Variants in TRPC3 observed in about 807,000 individuals in gnomAD.
TRPC3 encodes the protein transient receptor potential cation channel subfamily C member 3.
TRPC3 carries 54 observed loss-of-function variants against 90.9 expected under a neutral mutation model. That is an observed-to-expected ratio of 0.59 (90% CI 0.48 to 0.75). TRPC3 has a LOEUF of 0.75. TRPC3 is among the 30% of genes least tolerant of loss of function. TRPC3 has a pLI of 0.00. For synonymous variants in TRPC3, 424 were observed against 450.9 expected (o/e 0.94, Z 0.75); for missense variants, 918 against 1,194.5 (o/e 0.77, Z 3.41).
intron 1 of TRPC3, chr4:121,950,402 G>A (rs1467922225): frequency 1.3e-5 from 2 of 152,294 alleles, no homozygotes; most frequent in South Asian, 2.1e-4. Context: ...CCACCTCCCC[G>A]GCTCAGCCGG....
intron 4 of TRPC3, among the ~76,000 whole-genome samples, chr4:121,914,553 G>C (rs928009433): frequency 1.3e-5 from 2 of 152,064 alleles, no homozygotes; most frequent in Non-Finnish European, 2.9e-5. Context: ...TATCTTAAAA[G>C]CCTAAGTACT....
At chr4:121,899,569 G>C (rs1243334113) in intron 10 of TRPC3, 43 bp downstream of exon 10, 1 of 1,510,086 alleles carries the variant, frequency 6.6e-7, no homozygotes, top group East Asian at 2.3e-5. Flanking sequence ...AGACATATAT[G>C]GAATCACATA....
At chr4:121,906,639 G>T (rs1728893330) in intron 7 of TRPC3, among the ~76,000 whole-genome samples, 1 of 152,068 alleles carries the variant, frequency 6.6e-6, no homozygotes, top group Non-Finnish European at 1.5e-5. Flanking sequence ...AGCAGGGAGG[G>T]TTTATGACCT....
intron 3 of TRPC3, among the ~76,000 whole-genome samples, chr4:121,921,695 T>C (rs2892973): frequency 0.28 from 42,468 of 151,760 alleles, 6,236 homozygotes; most frequent in Non-Finnish European, 0.32. Flanking sequence ...TACTTTGAAA[T>C]CCCAATGGCT....
chr4:121,922,083 T>G (rs1183483462), intron 3 of TRPC3, among the ~76,000 whole-genome samples: 4 of 151,932 alleles, frequency 2.6e-5, no homozygotes, highest in African/African-American at 7.3e-5. Flanking sequence ...CACGCCCGTC[T>G]AATTTTTTTG....
chr4:121,944,991 A>T (rs957455890), intron 1 of TRPC3, among the ~76,000 whole-genome samples: 1 of 152,230 alleles, frequency 6.6e-6, no homozygotes, highest in Admixed American at 6.5e-5. Context: ...TCAGTTTCTT[A>T]ATTTGTAAAA....
At chr4:121,918,010 C>T (rs555723843) in intron 3 of TRPC3, among the ~76,000 whole-genome samples, 1 of 152,206 alleles carries the variant, frequency 6.6e-6, no homozygotes, top group South Asian at 2.1e-4. Context: ...TCTCCTCCAA[C>T]ATTCAGGTGC....
At chr4:121,902,269 A>G (rs1185405103) in intron 9 of TRPC3, among the ~76,000 whole-genome samples, 1 of 152,180 alleles carries the variant, frequency 6.6e-6, no homozygotes, top group Non-Finnish European at 1.5e-5. Flanking sequence ...GTTCATGATA[A>G]CAAAGTATGA....
At chr4:121,938,235 T>C (rs560672122) in intron 1 of TRPC3, among the ~76,000 whole-genome samples, 17 of 152,302 alleles carry the variant, frequency 1.1e-4, no homozygotes, top group African/African-American at 3.6e-4. Flanking sequence ...AGGTCCCACA[T>C]ATACTGTGGT....
intron 10 of TRPC3, among the ~76,000 whole-genome samples, chr4:121,888,806 T>G (rs1195837821): frequency 2.0e-5 from 3 of 152,330 alleles, no homozygotes; most frequent in South Asian, 2.1e-4. Context: ...TGTTATGAAC[T>G]GAATGTTTTG....
intron 10 of TRPC3, among the ~76,000 whole-genome samples, chr4:121,895,335 T>A (rs1320330269): frequency 4.0e-5 from 6 of 150,950 alleles, no homozygotes; most frequent in African/African-American, 1.2e-4. Context: ...GAAGAAATAA[T>A]AAAGATTAGA....
At chr4:121,898,067 G>A (rs576087033) in intron 10 of TRPC3, among the ~76,000 whole-genome samples, 54 of 152,256 alleles carry the variant, frequency 3.5e-4, no homozygotes, top group African/African-American at 1.2e-3. Context: ...GTTAAGCACC[G>A]CATGTTCTAA....
At chr4:121,885,342 C>A (rs1052016391) in intron 10 of TRPC3, among the ~76,000 whole-genome samples, 9 of 152,128 alleles carry the variant, frequency 5.9e-5, no homozygotes, top group East Asian at 1.9e-4. Context: ...TCTCTCTCCC[C>A]CTATCGCAAT....
At chr4:121,915,313 C>A (rs925910148) in intron 3 of TRPC3, among the ~76,000 whole-genome samples, 4 of 152,054 alleles carry the variant, frequency 2.6e-5, no homozygotes, top group African/African-American at 9.7e-5. Context: ...GCATTCAGTT[C>A]AAAATGGAAA....
Position 121,912,001 on chromosome 4 carries a change from T to C in TRPC3, c.1434A>G (p.Ser478=). The change falls in exon 5 of 12, where the codon TCA becomes TCG. Residue 478 remains serine (S), a synonymous_variant. Coordinates refer to ENST00000379645, the MANE Select transcript of TRPC3 (RefSeq NM_001130698.2). The part of the protein sequence containing the change: ...IFLGLLVFNA[S]DRFEGITTLP... ...GCGTGGTGATGCCTTCGAACCTGTC[T>C]GAGGCATTGAACACAAGCAGACCCA... The C allele has an allele frequency of 6.2e-7, 1 of 1,613,912 alleles. No individual in the cohort carries two copies.
rs988635549 is a variant in TRPC3, at chr4:121,899,217, C to T, written c.2547+395G>A. On this transcript the variant is annotated intron_variant, in intron 10 of 11. Transcript: ENST00000379645. ...AAAAATGGATCACCTGAAAGAAAAA[C>T]CTAGAGAAAAAACAAGTTTTCCTGC... Among the ~76,000 whole-genome samples, 92 of 152,044 alleles carry T rather than the reference C, an allele frequency of 6.1e-4. 2 individuals are homozygous for T. The highest frequency in any genetic ancestry group is 1.2e-4 in the Non-Finnish European group (8 of 67,982).
In TRPC3 at chr4:121,932,688, G is replaced by A. The variant is rs746346736; in HGVS notation, c.570C>T (p.Ile190=). The stretch of plus-strand genomic sequence containing the variant: ...CAGGGTGGTTGAGGATGGCCTCTAC[G>A]ATGCGCACGTAGCCCTTGCTGATGG... ...LLAISKGYVR[I]VEAILNHPGF... is the part of the protein sequence containing the mutation. Residue 190 remains isoleucine (I), a synonymous_variant, in exon 2 of 12, where the codon ATC becomes ATT. Coordinates refer to ENST00000379645, the MANE Select transcript of TRPC3 (RefSeq NM_001130698.2). The surrounding 1 kb of genome is among the most constrained non-coding windows in gnomAD (Gnocchi z 7.7). 22 of 1,613,692 alleles carry A rather than the reference G, an allele frequency of 1.4e-5. No individual in the cohort carries two copies. The highest frequency in any genetic ancestry group is 1.9e-5 in the Non-Finnish European group (22 of 1,179,806).
chr4:121,935,419 GGTGTGTGT>G (rs34252770), intron 1 of TRPC3, among the ~76,000 whole-genome samples: 10 of 147,236 alleles, frequency 6.8e-5, no homozygotes, highest in East Asian at 2.0e-4. Context: ...ACATGTGTGG[GGTGTGTGT>G]GTGTGTGTGT....
Position 121,877,470 on chromosome 4 carries a change from C to T in TRPC3, c.*2266G>A, listed in dbSNP as rs1008330733. 8.6e-5 allele frequency among the ~76,000 whole-genome samples: 13 copies of T among 152,004 alleles called. No homozygotes were observed. Among genetic ancestry groups the T allele is most frequent in the African/African-American group, 2.7e-4 (11 of 41,374 alleles). ...CCATCAGTCACTGGCCATGGGGAGG[C>T]GGAGGCATCACATCCCGAGCAAGGC... On this transcript the variant is annotated 3_prime_UTR_variant, in exon 12 of 12. Coordinates refer to ENST00000379645, the MANE Select transcript of TRPC3 (RefSeq NM_001130698.2).
Sources: allele counts gnomAD v4.1 joint callset (sites outside exome capture counted in the v4.1 genomes callset), GRCh38; gene constraint gnomAD v4.1.1; non-coding constraint Gnocchi (gnomAD v3.1); transcripts MANE v1.5; gene names NCBI Gene and HGNC (gene_info 2026-07-23, HGNC 2026-07-21).